The following DHRSX variants were observed in gnomAD, a reference collection of about 807,000 sequenced individuals.
The protein encoded by DHRSX is polyprenol dehydrogenase.
DHRSX carries 31 observed loss-of-function variants against 34.0 expected under a neutral mutation model. That is an observed-to-expected ratio of 0.91 (90% CI 0.69 to 1.23). The LOEUF is 1.23. DHRSX is among the 50% of genes most tolerant of loss of function. The pLI, the probability that DHRSX is intolerant of heterozygous loss-of-function variation, is 0.00. For missense variants in DHRSX, 414 were observed against 428.1 expected (o/e 0.97, Z 0.29); for synonymous variants, 201 against 183.8 (o/e 1.09, Z -0.76).
intron 6 of DHRSX, among the ~76,000 whole-genome samples, chrX:2,239,450 C>A (rs1464167876): frequency 6.6e-6 from 1 of 151,464 alleles, no homozygotes; most frequent in African/African-American, 2.4e-5. Context: ...CAGAGCAAGA[C>A]CTGGTCTCTA....
At chrX:2,282,606 G>GAAGA (rs370801923) in intron 4 of DHRSX, among the ~76,000 whole-genome samples, 3 of 141,136 alleles carry the variant, frequency 2.1e-5, no homozygotes, top group Non-Finnish European at 4.6e-5. Flanking sequence ...AGGGGAGAGA[G>GAAGA]AAGAAAGAGG....
intron 3 of DHRSX, among the ~76,000 whole-genome samples, chrX:2,338,150 T>C (rs1272392465): frequency 3.3e-5 from 5 of 150,862 alleles, no homozygotes; most frequent in Non-Finnish European, 7.4e-5. Context: ...CTGGTCAACA[T>C]GGTGAAACCC....
At chrX:2,336,929 G>C (rs1288453417) in intron 3 of DHRSX, among the ~76,000 whole-genome samples, 1 of 152,018 alleles carries the variant, frequency 6.6e-6, no homozygotes, top group Non-Finnish European at 1.5e-5. Flanking sequence ...GTATACATGT[G>C]CCATGCTGGT....
chrX:2,283,452 G>A (rs1486591541), intron 4 of DHRSX, among the ~76,000 whole-genome samples: 1 of 152,138 alleles, frequency 6.6e-6, no homozygotes, highest in East Asian at 1.9e-4. Context: ...ATCCGCTGAC[G>A]AATGCATGCG....
At chrX:2,313,348 A>G (rs1038042049) in intron 3 of DHRSX, among the ~76,000 whole-genome samples, 1 of 150,600 alleles carries the variant, frequency 6.6e-6, no homozygotes, top group Non-Finnish European at 1.5e-5. Flanking sequence ...TATAGCTTCC[A>G]TGTATTGATT....
chrX:2,440,812 T>C (rs1355721187), intron 1 of DHRSX, among the ~76,000 whole-genome samples: 3 of 152,180 alleles, frequency 2.0e-5, no homozygotes, highest in African/African-American at 4.8e-5. Context: ...GACGGCCTAT[T>C]GTGGGACTTC....
chrX:2,398,644 C>T (rs1473904340), intron 3 of DHRSX, among the ~76,000 whole-genome samples: 5 of 150,486 alleles, frequency 3.3e-5, no homozygotes, highest in Non-Finnish European at 4.4e-5. Flanking sequence ...CACGAAAAGA[C>T]GCAAAGAAAC....
intron 5 of DHRSX, among the ~76,000 whole-genome samples, chrX:2,256,522 C>T (rs2041281823): frequency 6.6e-6 from 1 of 152,010 alleles, no homozygotes; most frequent in Non-Finnish European, 1.5e-5. Flanking sequence ...TCTCGAACTC[C>T]TGACCTCAGG....
intron 3 of DHRSX, among the ~76,000 whole-genome samples, chrX:2,368,126 C>T (rs1172784315): frequency 2.0e-5 from 3 of 151,580 alleles, no homozygotes; most frequent in Admixed American, 6.6e-5. Context: ...GCCTGTAATC[C>T]CAGCTACTCA....
At chrX:2,295,891 G>GA (rs1363958668) in intron 3 of DHRSX, among the ~76,000 whole-genome samples, 2 of 152,130 alleles carry the variant, frequency 1.3e-5, no homozygotes, top group Non-Finnish European at 1.5e-5. Flanking sequence ...TTTTCTCATC[G>GA]AAGACCATAA....
intron 3 of DHRSX, among the ~76,000 whole-genome samples, chrX:2,369,488 GT>G (rs67165330): frequency 0.39 from 58,561 of 150,862 alleles, 12,024 homozygotes; most frequent in Non-Finnish European, 0.48. Flanking sequence ...TTTAGTTTTT[GT>G]TTTTTTTTGT....
intron 2 of DHRSX, among the ~76,000 whole-genome samples, chrX:2,411,752 CAAAA>C (rs112913508): frequency 1.3e-5 from 2 of 149,778 alleles, no homozygotes; most frequent in Admixed American, 6.7e-5. Context: ...CAAAACAAAA[CAAAA>C]AAAAACAAAG....
At chrX:2,312,321 A>T (rs2042173647) in intron 3 of DHRSX, among the ~76,000 whole-genome samples, 1 of 152,170 alleles carries the variant, frequency 6.6e-6, no homozygotes, top group Non-Finnish European at 1.5e-5. Flanking sequence ...AATTAGAGTC[A>T]GGGATGTTCG....
At chrX:2,466,161 GGGCGT>G (rs1276712226) in intron 1 of DHRSX, among the ~76,000 whole-genome samples, 1 of 152,226 alleles carries the variant, frequency 6.6e-6, no homozygotes, top group Non-Finnish European at 1.5e-5. Flanking sequence ...GGGATTGGTT[GGGCGT>G]GGCGGCGCAT....
chrX:2,471,602 C>T (rs2044594177), intron 1 of DHRSX, among the ~76,000 whole-genome samples: 1 of 151,274 alleles, frequency 6.6e-6, no homozygotes. Context: ...GATTTCTACA[C>T]TGTGAAAAAA....
At chrX:2,455,346 G>A (rs1289618874) in intron 1 of DHRSX, among the ~76,000 whole-genome samples, 1 of 151,144 alleles carries the variant, frequency 6.6e-6, no homozygotes, top group Non-Finnish European at 1.5e-5. Context: ...TCAGGTGGTA[G>A]TAGGCTTATT....
chrX:2,353,676 C>G (rs903480088), intron 3 of DHRSX, among the ~76,000 whole-genome samples: 28 of 151,566 alleles, frequency 1.8e-4, no homozygotes, highest in African/African-American at 5.8e-4. Context: ...CTCCGCCTCC[C>G]GGGTTCAAGC....
At chrX:2,439,103 C>T (rs1028447450) in intron 1 of DHRSX, among the ~76,000 whole-genome samples, 10 of 151,406 alleles carry the variant, frequency 6.6e-5, no homozygotes, top group Non-Finnish European at 1.3e-4. Flanking sequence ...TCAGATCATG[C>T]CATTGCACTC....
intron 3 of DHRSX, among the ~76,000 whole-genome samples, chrX:2,376,175 C>T (rs754361516): frequency 6.5e-5 from 9 of 137,530 alleles, no homozygotes; most frequent in South Asian, 2.3e-4. Context: ...AGTCTTTTTT[C>T]GCTAAATCTA....
Sources: allele counts gnomAD v4.1 joint callset (sites outside exome capture counted in the v4.1 genomes callset), GRCh38; gene constraint gnomAD v4.1.1; transcripts MANE v1.5; gene names NCBI Gene and HGNC (gene_info 2026-07-23, HGNC 2026-07-21).